The following RPS6KC1 variants were observed in gnomAD, a reference collection of about 807,000 sequenced individuals.
RPS6KC1 encodes ribosomal protein S6 kinase C1, also known as inactive ribosomal protein S6 kinase delta-1.
A neutral mutation model predicts 103.8 loss-of-function variants in RPS6KC1; 54 were observed. The ratio of observed to expected loss-of-function variants is 0.52; its 90% confidence interval spans 0.42 to 0.65. RPS6KC1 has a LOEUF of 0.65. Ranked by LOEUF, RPS6KC1 falls within the 30% of genes least tolerant of loss-of-function variation. RPS6KC1 has a pLI of 0.00. For missense variants in RPS6KC1, 1,151 were observed against 1,253.8 expected (o/e 0.92, Z 1.24); for synonymous variants, 439 against 438.7 (o/e 1.00, Z -0.01).
chr1:213,570,950 T>C, the RPS6KC1 span, among the ~76,000 whole-genome samples: 2 of 152,218 alleles, frequency 1.3e-5, no homozygotes, highest in African/African-American at 2.4e-5. Context: ...AAAGTTAAAA[T>C]AATGTCATAC....
At chr1:213,490,741 G>C in the RPS6KC1 span, among the ~76,000 whole-genome samples, 1 of 152,096 alleles carries the variant, frequency 6.6e-6, no homozygotes, top group Non-Finnish European at 1.5e-5. Context: ...TGCTCTCAAG[G>C]GCATCTGAAA....
rs1226950640 is a variant in RPS6KC1 at position 213,147,997 on chromosome 1, T to G, written c.835+18108T>G. Among the ~76,000 whole-genome samples, 3 of 152,196 alleles carry G rather than the reference T, an allele frequency of 2.0e-5. No individual in the cohort carries two copies. In the East Asian group the frequency reaches 5.8e-4, roughly 29 times the overall value. ...TACTTTTTAAATTTCTTTCTCAGAT[T>G]GTTCACTGTTGGCATATAGAAATGC... On this transcript the variant is annotated intron_variant, in intron 6 of 14. Coordinates refer to ENST00000366960, the MANE Select transcript of RPS6KC1 (RefSeq NM_012424.6).
At chr1:213,257,013 A>T (rs1256989239) in intron 12 of RPS6KC1, among the ~76,000 whole-genome samples, 1 of 152,198 alleles carries the variant, frequency 6.6e-6, no homozygotes, top group Non-Finnish European at 1.5e-5. Context: ...CAAATTTTAC[A>T]TTGTGTTCCA....
chr1:213,130,717 A>C (rs898001655), intron 6 of RPS6KC1, among the ~76,000 whole-genome samples: 1 of 152,190 alleles, frequency 6.6e-6, no homozygotes, highest in Middle Eastern at 3.4e-3. Context: ...ATAAACTTTC[A>C]GTTTTATAAA....
chr1:213,179,858 A>C (rs1471465518), intron 8 of RPS6KC1, among the ~76,000 whole-genome samples: 7 of 152,202 alleles, frequency 4.6e-5, no homozygotes, highest in Non-Finnish European at 1.0e-4. Flanking sequence ...CTTGGCACAT[A>C]ATGGGTGCTC....
intron 8 of RPS6KC1, among the ~76,000 whole-genome samples, chr1:213,178,222 TAA>T (rs1351061637): frequency 4.1e-5 from 6 of 147,566 alleles, no homozygotes; most frequent in Non-Finnish European, 8.9e-5. Context: ...AATAAATAAA[TAA>T]ATAAATATCA....
chr1:213,299,018 G>A, the RPS6KC1 span, among the ~76,000 whole-genome samples: 1 of 152,120 alleles, frequency 6.6e-6, no homozygotes, highest in Non-Finnish European at 1.5e-5. Flanking sequence ...CTTCACTCAC[G>A]TCTGGTGTTT....
the RPS6KC1 span, among the ~76,000 whole-genome samples, chr1:213,330,804 T>C: frequency 6.6e-6 from 1 of 152,220 alleles, no homozygotes; most frequent in Admixed American, 6.5e-5. Context: ...GAGGAGTCCA[T>C]GGTTTAAGTG....
chr1:213,576,954 A>G, the RPS6KC1 span, among the ~76,000 whole-genome samples: 1 of 152,230 alleles, frequency 6.6e-6, no homozygotes, highest in Non-Finnish European at 1.5e-5. Context: ...GTTAATATGG[A>G]CAAAGTTTGA....
chr1:213,214,297 A>C (rs2093600001), intron 8 of RPS6KC1, among the ~76,000 whole-genome samples: 1 of 152,242 alleles, frequency 6.6e-6, no homozygotes, highest in Non-Finnish European at 1.5e-5. Flanking sequence ...GCAGTCTGAG[A>C]TCAAACTGCA....
the RPS6KC1 span, among the ~76,000 whole-genome samples, chr1:213,604,742 A>G: frequency 6.6e-6 from 1 of 151,996 alleles, no homozygotes; most frequent in African/African-American, 2.4e-5. Context: ...ATTCCTGTAG[A>G]CTCACCAAAT....
At chr1:213,778,264 C>T in the RPS6KC1 span, among the ~76,000 whole-genome samples, 5 of 152,288 alleles carry the variant, frequency 3.3e-5, no homozygotes, top group Non-Finnish European at 7.4e-5. Context: ...GTCCACTTCC[C>T]GGGTGGCTAT....
the RPS6KC1 span, among the ~76,000 whole-genome samples, chr1:213,844,944 C>T: frequency 6.6e-6 from 1 of 151,998 alleles, no homozygotes; most frequent in Non-Finnish European, 1.5e-5. Context: ...TTGAGAACCC[C>T]CCAGCACCCC....
At chr1:213,371,383 T>C in the RPS6KC1 span, among the ~76,000 whole-genome samples, 1 of 152,352 alleles carries the variant, frequency 6.6e-6, no homozygotes, top group Admixed American at 6.5e-5. Context: ...CTTCCATCTT[T>C]TGGCTGCTGT....
intron 6 of RPS6KC1, among the ~76,000 whole-genome samples, chr1:213,153,719 T>C (rs1324372999): frequency 2.0e-5 from 3 of 152,218 alleles, no homozygotes; most frequent in African/African-American, 7.2e-5. Context: ...TCCTTTTCTT[T>C]CTGATTGAAG....
chr1:213,152,242 C>T (rs2089196620), intron 6 of RPS6KC1, among the ~76,000 whole-genome samples: 1 of 147,532 alleles, frequency 6.8e-6, no homozygotes, highest in African/African-American at 2.5e-5. Context: ...GATGCCCCCA[C>T]CTCCCTCCCG....
chr1:213,241,166 C>G lies in RPS6KC1; in HGVS notation c.1690C>G (p.Gln564Glu). 1.2e-6 allele frequency: 2 copies of G among 1,613,950 alleles called. No individual in the cohort carries two copies. The highest frequency in any genetic ancestry group is 1.7e-6 in the Non-Finnish European group (2 of 1,179,954). The change falls in exon 11 of 15, where the codon CAG (glutamine) becomes GAG (glutamate). Residue 564 changes from glutamine (Q) to glutamate (E), a missense_variant. This residue lies in a region of RPS6KC1 where 959 missense variants were observed against 1,006.3 expected (regional missense o/e 0.95). Transcript: ENST00000366960. ...TGCTGACAGTGACAGCCCCAGCACA[C>G]AGCTGAGAGCTCACGAGCTGAAGTT... ...LAADSDSPST[Q>E]LRAHELKFFP... is the part of the protein sequence containing the mutation.
chr1:213,772,182 C>T, the RPS6KC1 span, among the ~76,000 whole-genome samples: 9 of 152,168 alleles, frequency 5.9e-5, no homozygotes, highest in Admixed American at 5.2e-4. Flanking sequence ...AGGATAGTAT[C>T]GCTTATCTTC....
At chr1:213,367,152 C>T in the RPS6KC1 span, among the ~76,000 whole-genome samples, 59,963 of 152,150 alleles carry the variant, frequency 0.39, 13,441 homozygotes, top group African/African-American at 0.6. Context: ...ATATTTCATG[C>T]ATGTTCTAAC....
Sources: gnomAD v4.1 joint callset for allele counts (sites outside exome capture counted in the v4.1 genomes callset) on GRCh38, gnomAD v4.1.1 for gene constraint, gnomAD v4.1.1 regional missense constraint, MANE v1.5 for transcripts, NCBI Gene and HGNC (gene_info 2026-07-23, HGNC 2026-07-21) for gene names.